Variants in SLC22A16 observed in about 807,000 individuals in gnomAD.
The protein encoded by SLC22A16 is WUGSC:RG331P03.1.
A neutral mutation model predicts 52.9 loss-of-function variants in SLC22A16; 53 were observed. That is an observed-to-expected ratio of 1.00 (90% CI 0.80 to 1.26). The LOEUF (loss-of-function observed/expected upper bound fraction) is 1.26. Among genes scored for constraint, SLC22A16 ranks in the 50% most tolerant of loss-of-function variants. The pLI, the probability that SLC22A16 is intolerant of heterozygous loss-of-function variation, is 0.00. For missense variants in SLC22A16, 726 were observed against 704.0 expected (o/e 1.03, Z -0.35); for synonymous variants, 291 against 268.8 (o/e 1.08, Z -0.81).
intron 4 of SLC22A16, among the ~76,000 whole-genome samples, chr6:110,439,128 G>A (rs1774862443): frequency 6.6e-6 from 1 of 152,196 alleles, no homozygotes; most frequent in Non-Finnish European, 1.5e-5. Context: ...GCCCCAAACT[G>A]TCTCAGGAGA....
chr6:110,442,162 A>G, intron 4 of SLC22A16, 82 bp downstream of exon 4: 2 of 1,376,128 alleles, frequency 1.5e-6, no homozygotes, highest in South Asian at 2.9e-5. Context: ...TTTTTCTCAA[A>G]TTCACACAGA....
At chr6:110,451,970 T>C (rs1269122238) in intron 2 of SLC22A16, among the ~76,000 whole-genome samples, 1 of 152,208 alleles carries the variant, frequency 6.6e-6, no homozygotes, top group African/African-American at 2.4e-5. Context: ...TCCAGTTGTA[T>C]TTCCTTCTAT....
intron 7 of SLC22A16, among the ~76,000 whole-genome samples, chr6:110,429,547 A>G (rs150136234): frequency 9.1e-4 from 138 of 152,242 alleles, no homozygotes; most frequent in Non-Finnish European, 1.8e-3. Flanking sequence ...CTAATTTCCA[A>G]AAGTCAATCT....
intron 7 of SLC22A16, chr6:110,425,352 A>C: frequency 7.2e-7 from 1 of 1,389,898 alleles, no homozygotes; most frequent in Non-Finnish European, 9.6e-7. Context: ...TACTGCCTGC[A>C]TTATTACTCC....
At position 110,476,607 on chromosome 6, in the gene SLC22A16, G is replaced by A. The variant is rs376883717; in HGVS notation, c.-33C>T. ...CCGTGCACTGGGCGCCGAGTTAGCC[G>A]AGCTCCGGGGACTGCGGGTAGCGCG... On this transcript the variant is annotated 5_prime_UTR_variant, in exon 1 of 8. Transcript: ENST00000368919. The A allele has an allele frequency of 1.3e-4, 197 of 1,517,088 alleles. No individual in the cohort carries two copies. Among genetic ancestry groups the A allele is most frequent in the Admixed American group, 2.9e-4 (14 of 48,072 alleles). 94.0% of individuals were successfully genotyped at this position (1,517,088 alleles called of 1,614,324 possible).
chr6:110,474,798 C>A (rs988264553), intron 1 of SLC22A16: 8 of 409,432 alleles, frequency 2.0e-5, no homozygotes, highest in Non-Finnish European at 3.9e-5. Context: ...CTGCTGTGGG[C>A]AGTTACTGGA....
chr6:110,438,659 A>G, intron 5 of SLC22A16, 61 bp downstream of exon 5: 1 of 1,555,064 alleles, frequency 6.4e-7, no homozygotes, highest in South Asian at 1.2e-5. Flanking sequence ...GTAATAAGCT[A>G]AATTCTTCCC....
chr6:110,449,530 A>G (rs904821844), intron 2 of SLC22A16, among the ~76,000 whole-genome samples: 6 of 151,996 alleles, frequency 3.9e-5, no homozygotes, highest in Non-Finnish European at 7.4e-5. Flanking sequence ...TAGGGATAGG[A>G]CTTTGTTTTT....
intron 6 of SLC22A16, among the ~76,000 whole-genome samples, chr6:110,433,250 TC>T (rs1372642551): frequency 3.3e-5 from 5 of 152,212 alleles, no homozygotes; most frequent in Non-Finnish European, 5.9e-5. Context: ...TAAACTTTTT[TC>T]TTAGATATAT....
intron 1 of SLC22A16, among the ~76,000 whole-genome samples, chr6:110,461,305 C>T (rs1775873745): frequency 6.6e-6 from 1 of 152,104 alleles, no homozygotes; most frequent in Admixed American, 6.5e-5. Flanking sequence ...GGCCAGGAGC[C>T]AAAGGACAGT....
chr6:110,456,952 G>C lies in SLC22A16; in HGVS notation c.119C>G (p.Ala40Gly). 1 of 1,602,830 alleles carries C rather than the reference G, an allele frequency of 6.2e-7. No homozygotes were observed. The highest frequency in any genetic ancestry group is 8.5e-7 in the Non-Finnish European group (1 of 1,174,694). ...AGGGGTGACTCCCATGAACACAGAA[G>C]CCAAGTAGTGAATACCACAAGAGAT... is the stretch of plus-strand genomic sequence containing the variant. Reference protein sequence around the residue: ...QNISCGIHYLASVFMGVTPHH... With the variant: ...QNISCGIHYLGSVFMGVTPHH... Residue 40 changes from alanine to glycine, a missense_variant, in exon 2 of 8, where the codon GCT (alanine) becomes GGT (glycine). Physicochemically the swap from Ala to Gly is moderately conservative, Grantham distance 60 (BLOSUM62 0). Coordinates refer to ENST00000368919, the MANE Select transcript of SLC22A16 (RefSeq NM_033125.4).
intron 2 of SLC22A16, among the ~76,000 whole-genome samples, chr6:110,447,549 A>G (rs1445580718): frequency 6.6e-6 from 1 of 152,228 alleles, no homozygotes; most frequent in African/African-American, 2.4e-5. Context: ...AAAGTAGACA[A>G]TTTGGTGGTT....
intron 2 of SLC22A16, among the ~76,000 whole-genome samples, chr6:110,447,395 GCTAC>G (rs1357112147): frequency 6.6e-6 from 1 of 152,090 alleles, no homozygotes; most frequent in Non-Finnish European, 1.5e-5. Context: ...CAGAGGTCTT[GCTAC>G]CTTCTTCTTC....
intron 7 of SLC22A16, chr6:110,425,524 G>A: frequency 3.5e-6 from 2 of 579,462 alleles, no homozygotes; most frequent in South Asian, 2.0e-5. Flanking sequence ...CCAATAATCA[G>A]TACACTATCA....
At chr6:110,450,483 A>G (rs916261844) in intron 2 of SLC22A16, among the ~76,000 whole-genome samples, 2 of 151,856 alleles carry the variant, frequency 1.3e-5, no homozygotes, top group Non-Finnish European at 2.9e-5. Flanking sequence ...ATGGCGGCAC[A>G]TGCCTGTAGT....
rs1183220846 is a variant in SLC22A16 at position 110,425,373 on chromosome 6, G to A, written c.1522-288C>T. On this transcript the variant is annotated intron_variant, in intron 7 of 7. Coordinates refer to ENST00000368919, the MANE Select transcript of SLC22A16 (RefSeq NM_033125.4). The stretch of plus-strand genomic sequence containing the variant: ...CTGCATTATTACTCCTGAAGGTGCT[G>A]TCCTAGGAGCTGTGGTCAGAAAGAA... 3 of 1,359,034 alleles carry A rather than the reference G, an allele frequency of 2.2e-6. No individual in the cohort carries two copies. In the South Asian group the frequency reaches 3.7e-5, roughly 17 times the overall value. The allele number at this position is 1,359,034 out of a possible 1,614,324, so 84.2% of individuals were successfully genotyped here.
At chr6:110,439,005 G>A (rs1233986722) in intron 4 of SLC22A16, among the ~76,000 whole-genome samples, 158 bp from the exon 5 acceptor site, 6 of 152,304 alleles carry the variant, frequency 3.9e-5, no homozygotes, top group African/African-American at 1.2e-4. Flanking sequence ...AGCCAGCCCC[G>A]CCACTTTTAA....
At chr6:110,443,012 A>G (rs779278258) in intron 3 of SLC22A16, among the ~76,000 whole-genome samples, 5 of 152,178 alleles carry the variant, frequency 3.3e-5, no homozygotes, top group African/African-American at 1.2e-4. Flanking sequence ...ATTATTTATG[A>G]TATAAATGTT....
intron 6 of SLC22A16, among the ~76,000 whole-genome samples, chr6:110,433,366 A>G (rs1276204305): frequency 6.6e-6 from 1 of 152,080 alleles, no homozygotes; most frequent in Non-Finnish European, 1.5e-5. Flanking sequence ...GTACTTACCC[A>G]TCCTGGTCCA....
Sources: allele counts gnomAD v4.1 joint callset (sites outside exome capture counted in the v4.1 genomes callset), GRCh38; gene constraint gnomAD v4.1.1; transcripts MANE v1.5; gene names NCBI Gene and HGNC (gene_info 2026-07-23, HGNC 2026-07-21).